Variants in APLF observed in about 807,000 individuals in gnomAD.
APLF encodes aprataxin and PNKP like factor.
Under a neutral mutation model 55.6 loss-of-function variants are expected in APLF, and 61 were observed. That is an observed-to-expected ratio of 1.10 (90% CI 0.89 to 1.36). The LOEUF (loss-of-function observed/expected upper bound fraction) is 1.36, where lower values mean the gene tolerates loss of function less well. Ranked by LOEUF, APLF falls within the 40% of genes most tolerant of loss-of-function variation. APLF has a pLI of 0.00. For synonymous variants in APLF, 207 were observed against 214.8 expected, an observed-to-expected ratio of 0.96 and a Z score of 0.32; for missense variants, 611 against 602.5, an observed-to-expected ratio of 1.01 and a Z score of -0.15.
intron 9 of APLF, among the ~76,000 whole-genome samples, chr2:68,568,929 A>T (rs560117587): frequency 7.5e-4 from 114 of 152,258 alleles, no homozygotes; most frequent in African/African-American, 2.7e-3. Context: ...GTGGCAATAT[A>T]GTCAGAACAT....
At chr2:68,488,748 C>T (rs1676266154) in intron 1 of APLF, among the ~76,000 whole-genome samples, 1 of 152,018 alleles carries the variant, frequency 6.6e-6, no homozygotes, top group African/African-American at 2.4e-5. Context: ...TTAATAATAG[C>T]TATGGCAATG....
chr2:68,567,465 T>A, intron 9 of APLF, 78 bp downstream of exon 9: 1 of 1,150,428 alleles, frequency 8.7e-7, no homozygotes, highest in South Asian at 1.5e-5. Flanking sequence ...CCAGTTATTA[T>A]GAAAATATTT....
chr2:68,469,023 G>GTTT (rs1675531697), intron 1 of APLF, among the ~76,000 whole-genome samples: 2 of 145,852 alleles, frequency 1.4e-5, no homozygotes, highest in South Asian at 2.2e-4. Flanking sequence ...TGTGTGTGTT[G>GTTT]TGTGTTGTGT....
Position 68,519,190 on chromosome 2 carries a change from T to A in APLF, c.622+5510T>A, listed in dbSNP as rs917937028. On this transcript the variant is annotated intron_variant, in intron 5 of 9. Transcript: ENST00000303795. ...AAATTGGACCAATGTGACTATATAT[T>A]TATAATATATAAATATATATTATCT... Among the ~76,000 whole-genome samples, 214 of 139,160 alleles carry A rather than the reference T, an allele frequency of 1.5e-3. 1 individual carries two copies. Among genetic ancestry groups the A allele is most frequent in the Non-Finnish European group, 1.7e-3 (112 of 65,234 alleles). The allele number at this position is 139,160 out of a possible 152,430, so 91.3% of individuals were successfully genotyped here.
chr2:68,518,314 T>C (rs1472894805), intron 5 of APLF, among the ~76,000 whole-genome samples: 8 of 113,236 alleles, frequency 7.1e-5, no homozygotes, highest in Admixed American at 3.3e-4. Flanking sequence ...ATATATTATT[T>C]AATAATATAT....
intron 8 of APLF, among the ~76,000 whole-genome samples, chr2:68,548,946 C>T (rs1261396263): frequency 6.6e-6 from 1 of 151,904 alleles, no homozygotes; most frequent in Non-Finnish European, 1.5e-5. Flanking sequence ...TCTTTTCATC[C>T]CATTTTATCT....
intron 1 of APLF, among the ~76,000 whole-genome samples, chr2:68,484,676 A>G (rs975840307): frequency 6.8e-6 from 1 of 147,526 alleles, no homozygotes; most frequent in African/African-American, 2.6e-5. Context: ...TGGGCAGCAG[A>G]GCGAAGCTTA....
At chr2:68,491,847 G>A (rs1006283514) in intron 2 of APLF, among the ~76,000 whole-genome samples, 1 of 152,038 alleles carries the variant, frequency 6.6e-6, no homozygotes, top group African/African-American at 2.4e-5. Context: ...CATTTATTTT[G>A]TGAACAAATT....
At chr2:68,481,386 T>TGTTTC in intron 1 of APLF, among the ~76,000 whole-genome samples, 1 of 94,064 alleles carries the variant, frequency 1.1e-5, no homozygotes, top group Non-Finnish European at 2.3e-5. Flanking sequence ...TGTTTTGTTT[T>TGTTTC]TGTTTGTTTG....
intron 1 of APLF, among the ~76,000 whole-genome samples, chr2:68,484,228 C>A (rs1573157348): frequency 6.6e-6 from 1 of 152,168 alleles, no homozygotes; most frequent in African/African-American, 2.4e-5. Flanking sequence ...CTGGTATAAT[C>A]TTCATATCTT....
chr2:68,518,671 A>T (rs1249092663), intron 5 of APLF, among the ~76,000 whole-genome samples: 1 of 118,232 alleles, frequency 8.5e-6, no homozygotes, highest in Non-Finnish European at 1.6e-5. Context: ...TAATAAATCA[A>T]TATATCATGA....
intron 1 of APLF, among the ~76,000 whole-genome samples, chr2:68,474,360 A>G (rs1453231713): frequency 6.6e-6 from 1 of 152,214 alleles, no homozygotes; most frequent in Non-Finnish European, 1.5e-5. Context: ...GAAAGTCCCA[A>G]TTCTCTATAC....
intron 1 of APLF, among the ~76,000 whole-genome samples, chr2:68,481,509 G>C (rs573366286): frequency 2.6e-5 from 4 of 151,420 alleles, no homozygotes; most frequent in Non-Finnish European, 5.9e-5. Flanking sequence ...GTGACTTGAT[G>C]ATTTTTTCTT....
chr2:68,566,299 T>C (rs557127579), intron 8 of APLF, among the ~76,000 whole-genome samples: 3 of 152,178 alleles, frequency 2.0e-5, no homozygotes, highest in African/African-American at 2.4e-5. Flanking sequence ...CTAAAAGATA[T>C]ATTATAAGGA....
intron 9 of APLF, among the ~76,000 whole-genome samples, chr2:68,576,640 C>T (rs558322694): frequency 1.9e-4 from 29 of 152,084 alleles, no homozygotes; most frequent in Admixed American, 3.3e-4. Context: ...TTCTGGAATG[C>T]GTACTGATAT....
At chr2:68,542,465 T>A (rs1473362584) in intron 7 of APLF, among the ~76,000 whole-genome samples, 1 of 149,754 alleles carries the variant, frequency 6.7e-6, no homozygotes, top group Non-Finnish European at 1.5e-5. Flanking sequence ...AAAAAACAAA[T>A]TACCCAATTT....
intron 1 of APLF, among the ~76,000 whole-genome samples, chr2:68,482,663 A>G (rs1428569388): frequency 6.6e-6 from 1 of 152,158 alleles, no homozygotes; most frequent in East Asian, 1.9e-4. Flanking sequence ...TACTGAGGAA[A>G]GAGCCACCAG....
intron 8 of APLF, chr2:68,563,437 C>T (rs186483822): frequency 1.4e-4 from 115 of 835,578 alleles, no homozygotes; most frequent in African/African-American, 1.1e-3. Context: ...ATGGTGCATG[C>T]GAGTGCAACT....
chr2:68,509,464 A>G (rs1317803062), intron 3 of APLF, among the ~76,000 whole-genome samples: 1 of 152,200 alleles, frequency 6.6e-6, no homozygotes, highest in African/African-American at 2.4e-5. Context: ...GACACATGAA[A>G]AAATGCTCAT....
Sources: allele counts gnomAD v4.1 joint callset (sites outside exome capture counted in the v4.1 genomes callset), GRCh38; gene constraint gnomAD v4.1.1; transcripts MANE v1.5; gene names NCBI Gene and HGNC (gene_info 2026-07-23, HGNC 2026-07-21).